CYFIP1: variants seen among roughly 807,000 people sequenced by gnomAD.
CYFIP1 encodes the protein cytoplasmic FMR1-interacting protein 1.
Under a neutral mutation model 163.5 loss-of-function variants are expected in CYFIP1, and 58 were observed. The observed-to-expected ratio is 0.35, with a 90% CI of 0.29 to 0.44. The LOEUF is 0.44. Among genes scored for constraint, CYFIP1 ranks in the 20% least tolerant of loss-of-function variants. The probability of loss-of-function intolerance (pLI) is 1.00; values close to 1 mark genes in which losing one functional copy is unlikely to be tolerated. For synonymous variants in CYFIP1, 663 were observed against 660.7 expected (o/e 1.00, Z -0.05); for missense variants, 1,338 against 1,653.8 (o/e 0.81, Z 3.31).
chr15:22,951,031 CAT>C (rs1445809563), intron 1 of CYFIP1, among the ~76,000 whole-genome samples: 2 of 152,200 alleles, frequency 1.3e-5, no homozygotes, highest in Non-Finnish European at 2.9e-5. Flanking sequence ...TACGGAAAAA[CAT>C]AGACTACGCA....
intron 1 of CYFIP1, among the ~76,000 whole-genome samples, chr15:22,960,677 A>G (rs2062645603): frequency 6.6e-6 from 1 of 152,222 alleles, no homozygotes; most frequent in East Asian, 1.9e-4. Flanking sequence ...TGAAGGAAAC[A>G]CCACTGGCCC....
At chr15:22,896,172 A>G (rs1371759472) in intron 22 of CYFIP1, among the ~76,000 whole-genome samples, 1 of 152,092 alleles carries the variant, frequency 6.6e-6, no homozygotes, top group South Asian at 2.1e-4. Context: ...CAGTTTGACA[A>G]TGTCACTGCA....
At position 22,867,123 on chromosome 15, in the gene CYFIP1, A is replaced by G; in HGVS notation, c.*2905T>C. On this transcript the variant is annotated 3_prime_UTR_variant, in exon 31 of 31. Transcript: ENST00000617928. ...CCTTCTCCAAAAGCCGAATGCACTA[A>G]TGACAGTTTTAAGTCTATGAAAATG... 2.1e-6 allele frequency: 1 copy of G among 483,736 alleles called. No homozygotes were observed. 30.0% of individuals were successfully genotyped at this position (483,736 alleles called of 1,614,324 possible). A position where few individuals can be genotyped will look rare whatever the true frequency, so the allele number is the denominator to read the frequency against.
rs750854332 is a variant in CYFIP1, at chr15:22,932,205, C to G, written c.1110+18G>C. 7 of 1,593,520 alleles carry G rather than the reference C, an allele frequency of 4.4e-6. No homozygotes were observed. The East Asian group carries it at 1.4e-4, about 31-fold the overall frequency. On this transcript the variant is annotated intron_variant, in intron 11 of 30. Transcript: ENST00000617928. Reference sequence around the variant, plus strand: ...GCGACCCTCGGGTGCCTGTGCAGCTCCAGGTCGCGGGGCGCACCTCGCTGT... The same window carrying G: ...GCGACCCTCGGGTGCCTGTGCAGCTGCAGGTCGCGGGGCGCACCTCGCTGT...
intron 1 of CYFIP1, among the ~76,000 whole-genome samples, chr15:22,947,620 C>G (rs527599242): frequency 6.6e-6 from 1 of 152,126 alleles, no homozygotes; most frequent in East Asian, 1.9e-4. Context: ...GTGCTGAGGA[C>G]TCTCTCGAGG....
intron 1 of CYFIP1, among the ~76,000 whole-genome samples, chr15:22,973,761 A>G (rs1452542235): frequency 6.6e-6 from 1 of 152,248 alleles, no homozygotes; most frequent in Non-Finnish European, 1.5e-5. Flanking sequence ...ATCAATCAAC[A>G]AAGTGACAAT....
rs888453259 is a variant in CYFIP1 at position 22,909,118 on chromosome 15, T to C, written c.2388+76A>G. On this transcript the variant is annotated intron_variant, in intron 21 of 30. Transcript: ENST00000617928. ...GTATAGGCCACGCCCGATGAGTGCATCTCTTTTATCATCTATACAAGAACT... is the reference window on the plus strand; with the variant it reads ...GTATAGGCCACGCCCGATGAGTGCACCTCTTTTATCATCTATACAAGAACT... 1.9e-6 allele frequency: 3 copies of C among 1,577,152 alleles called. No homozygotes were observed. In the Admixed American group the frequency reaches 5.1e-5, roughly 27 times the overall value.
chr15:22,954,760 ACTG>A (rs1344574710), intron 1 of CYFIP1, among the ~76,000 whole-genome samples: 2 of 152,244 alleles, frequency 1.3e-5, no homozygotes, highest in Non-Finnish European at 2.9e-5. Context: ...TGGTAGGGGA[ACTG>A]CTGTTTTAAT....
Position 22,917,586 on chromosome 15 carries a change from G to A in CYFIP1, c.1674+202C>T. The A allele has an allele frequency of 1.5e-6, 1 of 652,414 alleles. No homozygotes were observed. 40.4% of individuals were successfully genotyped at this position (652,414 alleles called of 1,614,324 possible). ...CCTTTTTAGTGCACATGACACATCT[G>A]ACAATCAAGGCACGTCTCCTCACGC... On this transcript the variant is annotated intron_variant, in intron 15 of 30. Transcript: ENST00000617928. This position sits in a 1 kb window ranked among gnomAD's most constrained non-coding sequence, Gnocchi z 4.2.
At chr15:22,909,135 A>G (rs2060694970) in intron 21 of CYFIP1, 59 bp downstream of exon 21, 1 of 1,604,352 alleles carries the variant, frequency 6.2e-7, no homozygotes. Flanking sequence ...TATCATCTAT[A>G]CAAGAACTGG....
At chr15:22,937,990 G>A (rs546932146) in intron 8 of CYFIP1, among the ~76,000 whole-genome samples, 52 of 152,216 alleles carry the variant, frequency 3.4e-4, no homozygotes, top group African/African-American at 1.2e-3. Context: ...CACACCAGCC[G>A]GTGCAGACAC....
intron 3 of CYFIP1, among the ~76,000 whole-genome samples, chr15:22,946,249 A>G (rs937360459): frequency 1.3e-5 from 2 of 151,706 alleles, no homozygotes; most frequent in African/African-American, 2.4e-5. Flanking sequence ...GGCTGCAGTG[A>G]GCCCTAATCA....
At chr15:22,927,592 G>C (rs1449527615) in intron 12 of CYFIP1, among the ~76,000 whole-genome samples, 1 of 151,922 alleles carries the variant, frequency 6.6e-6, no homozygotes, top group African/African-American at 2.4e-5. Context: ...GGGAGTCAAG[G>C]CTGTAGGGAC....
intron 1 of CYFIP1, among the ~76,000 whole-genome samples, chr15:22,963,597 A>G (rs928595570): frequency 1.3e-5 from 2 of 151,990 alleles, no homozygotes; most frequent in Admixed American, 6.6e-5. Flanking sequence ...TTTTGTGAAC[A>G]TAAGGGAAAG....
rs746598585 is a variant in CYFIP1 at position 22,883,074 on chromosome 15, TGTGAGAAGATCACTCAACACACACA to T, written c.2677-88_2677-64del. The T allele has an allele frequency of 5.7e-4, 898 of 1,569,078 alleles. 2 individuals are homozygous for T. Among genetic ancestry groups the T allele is most frequent in the Non-Finnish European group, 7.6e-4 (873 of 1,149,310 alleles). ...GCACACATGTGCAGATGAAGAACTG[TGTGAGAAGATCACTCAACACACACA>T]GGCTCAGGTGAGCGGGTCTGAGTCT... On this transcript the variant is annotated intron_variant, in intron 23 of 30. Transcript: ENST00000617928.
At chr15:22,927,598 G>A (rs1210091192) in intron 12 of CYFIP1, among the ~76,000 whole-genome samples, 2 of 151,914 alleles carry the variant, frequency 1.3e-5, no homozygotes, top group African/African-American at 4.8e-5. Flanking sequence ...CAAGGCTGTA[G>A]GGACTTATGT....
At chr15:22,906,712 G>A (rs950963662) in intron 21 of CYFIP1, among the ~76,000 whole-genome samples, 2 of 151,822 alleles carry the variant, frequency 1.3e-5, no homozygotes, top group Non-Finnish European at 1.5e-5. Context: ...TGATCCGCCC[G>A]CCTCGTCCTC....
intron 1 of CYFIP1, chr15:22,951,226 C>T: frequency 1.3e-6 from 1 of 760,736 alleles, no homozygotes; most frequent in Non-Finnish European, 1.7e-6. Flanking sequence ...ACCTGGACCT[C>T]CCCGACACGT....
At chr15:22,909,580 T>C (rs1325594461) in intron 20 of CYFIP1, among the ~76,000 whole-genome samples, 1 of 152,172 alleles carries the variant, frequency 6.6e-6, no homozygotes, top group East Asian at 1.9e-4. Flanking sequence ...CATAAAAATA[T>C]GACAAAGCCC....
Sources: gnomAD v4.1 joint callset for allele counts (sites outside exome capture counted in the v4.1 genomes callset) on GRCh38, gnomAD v4.1.1 for gene constraint, Gnocchi (gnomAD v3.1) non-coding constraint, MANE v1.5 for transcripts, NCBI Gene and HGNC (gene_info 2026-07-23, HGNC 2026-07-21) for gene names.